Variants in GRHPR observed in about 807,000 individuals in gnomAD.
GRHPR encodes glyoxylate and hydroxypyruvate reductase.
Under a neutral mutation model 36.8 loss-of-function variants are expected in GRHPR, and 35 were observed. The ratio of observed to expected loss-of-function variants is 0.95; its 90% CI spans 0.73 to 1.26. The LOEUF (loss-of-function observed/expected upper bound fraction) is 1.26, where lower values mean the gene tolerates loss of function less well. GRHPR is among the 50% of genes most tolerant of loss of function. The pLI, the probability that GRHPR is intolerant of heterozygous loss-of-function variation, is 0.00. For synonymous variants in GRHPR, 179 were observed against 181.0 expected, an observed-to-expected ratio of 0.99 and a Z score of 0.09; for missense variants, 380 against 435.0, an observed-to-expected ratio of 0.87 and a Z score of 1.12.
chr9:37,432,230 G>A (rs1288181360), intron 8 of GRHPR, 92 bp downstream of exon 8: 3 of 1,271,554 alleles, frequency 2.4e-6, no homozygotes, highest in South Asian at 1.2e-5. Flanking sequence ...TGGAGCTAGT[G>A]TGAGCAGGTG....
At chr9:37,426,736 T>A in intron 4 of GRHPR, 82 bp downstream of exon 4, 1 of 816,304 alleles carries the variant, frequency 1.2e-6, no homozygotes, top group Non-Finnish European at 2.2e-6. Context: ...GATCATGAGG[T>A]TAGGAGTTCG....
chr9:37,430,676 C>G lies in GRHPR; in HGVS notation c.734+30C>G, dbSNP rs768908909. 4 of 1,607,016 alleles carry G rather than the reference C, an allele frequency of 2.5e-6. No individual in the cohort carries two copies. The African/African-American group carries it at 5.4e-5, about 21-fold the overall frequency. ...CCTAGGGCCACCTTACCCAGCAAGC[C>G]TGGAGAGGAGCCATCCCCACTGCTG... On this transcript the variant is annotated intron_variant, in intron 7 of 8. Transcript: ENST00000318158.
intron 6 of GRHPR, 164 bp downstream of exon 6, chr9:37,430,000 C>T: frequency 1.5e-6 from 1 of 679,636 alleles, no homozygotes; most frequent in Non-Finnish European, 2.7e-6. Context: ...CACTGGCCCA[C>T]TCAGGGAGCA....
intron 8 of GRHPR, chr9:37,433,951 C>A (rs1823504714): frequency 7.5e-6 from 3 of 397,456 alleles, no homozygotes; most frequent in Admixed American, 4.4e-5. Context: ...GAAACTCTCC[C>A]GTCCCTCCCC....
intron 8 of GRHPR, among the ~76,000 whole-genome samples, chr9:37,432,993 C>A (rs915847817): frequency 3.9e-5 from 6 of 152,236 alleles, no homozygotes; most frequent in Middle Eastern, 3.2e-3. Context: ...CCCTTCCTGT[C>A]TTTGGGGGAG....
At chr9:37,430,390 G>A (rs993601713) in intron 6 of GRHPR, 121 bp from the exon 7 acceptor site, 25 of 836,872 alleles carry the variant, frequency 3.0e-5, no homozygotes, top group Non-Finnish European at 4.8e-5. Flanking sequence ...GTAGAGACTC[G>A]GCCTTCAGGA....
At chr9:37,436,444 G>C (rs1286341259) in intron 8 of GRHPR, among the ~76,000 whole-genome samples, 10 of 152,248 alleles carry the variant, frequency 6.6e-5, no homozygotes, top group African/African-American at 2.2e-4. Context: ...TTGTGACTGG[G>C]TTTTAGTAGC....
At position 37,424,920 on chromosome 9, in the gene GRHPR, C is replaced by T. The variant is rs781026957; in HGVS notation, c.159C>T (p.His53=). 6.2e-6 allele frequency: 10 copies of T among 1,612,330 alleles called. No individual in the cohort carries two copies. Among genetic ancestry groups the T allele is most frequent in the South Asian group, 2.2e-5 (2 of 91,034 alleles). ...TAGAGCGAGGTGTGGCGGGGGCCCA[C>T]GGCCTGCTCTGCCTCCTCTCCGACC... ...KELERGVAGA[H]GLLCLLSDHV... is the part of the protein sequence containing the mutation. The change falls in exon 2 of 9, where the codon CAC becomes CAT. Residue 53 remains histidine (H), a synonymous_variant. Coordinates refer to ENST00000318158, the MANE Select transcript of GRHPR (RefSeq NM_012203.2).
chr9:37,428,208 GTCACCC>G (rs1823176311), intron 4 of GRHPR: 5 of 554,868 alleles, frequency 9.0e-6, no homozygotes, highest in Non-Finnish European at 1.6e-5. Context: ...CCTCAGGCAA[GTCACCC>G]TTTCTGGTTT....
At chr9:37,435,065 A>G (rs2118907107) in intron 8 of GRHPR, among the ~76,000 whole-genome samples, 1 of 152,246 alleles carries the variant, frequency 6.6e-6, no homozygotes, top group East Asian at 1.9e-4. Context: ...TAGCCTGGGC[A>G]ACATAGTGAA....
intron 8 of GRHPR, chr9:37,432,363 T>G: frequency 2.0e-6 from 1 of 503,198 alleles, no homozygotes; most frequent in East Asian, 4.0e-5. Context: ...GAACAGAATG[T>G]AGGTGTGAGT....
chr9:37,431,973 C>A (rs1823388463), intron 7 of GRHPR, 35 bp from the exon 8 acceptor site: 4 of 1,612,736 alleles, frequency 2.5e-6, no homozygotes, highest in Non-Finnish European at 3.4e-6. Context: ...GCGGAGGGAT[C>A]TTCGGGGTAC....
downstream of GRHPR, among the ~76,000 whole-genome samples, chr9:37,437,902 A>G (rs563447065): frequency 6.6e-6 from 1 of 152,304 alleles, no homozygotes; most frequent in Admixed American, 6.5e-5. Context: ...GGTAGACTGA[A>G]AAGCAAAATC....
intron 6 of GRHPR, chr9:37,430,229 C>A (rs867964164): frequency 1.2e-5 from 7 of 561,900 alleles, no homozygotes; most frequent in East Asian, 3.2e-5. Context: ...CAGCACCTGG[C>A]GGGTCCACAG....
At chr9:37,432,274 T>C in intron 8 of GRHPR, 136 bp downstream of exon 8, 1 of 772,090 alleles carries the variant, frequency 1.3e-6, no homozygotes, top group Non-Finnish European at 2.3e-6. Flanking sequence ...GGATCGTAAA[T>C]GTTTATGTTG....
chr9:37,429,630 G>A (rs1171183974), intron 5 of GRHPR, 102 bp from the exon 6 acceptor site: 4 of 829,278 alleles, frequency 4.8e-6, no homozygotes, highest in Non-Finnish European at 6.4e-6. Flanking sequence ...GGGCTGTGCT[G>A]ATGAAAAGGG....
intron 7 of GRHPR, chr9:37,431,103 C>G (rs1445296327): frequency 4.3e-6 from 2 of 461,448 alleles, no homozygotes; most frequent in Admixed American, 2.4e-5. Flanking sequence ...GGTCGTAGCT[C>G]CTCACACTGT....
intron 1 of GRHPR, among the ~76,000 whole-genome samples, chr9:37,423,942 T>G (rs1822958281): frequency 6.6e-6 from 1 of 152,194 alleles, no homozygotes; most frequent in African/African-American, 2.4e-5. Context: ...GCCATGCAGC[T>G]CCCAGGTGGA....
At chr9:37,428,289 C>T (rs1823180392) in intron 4 of GRHPR, 195 bp from the exon 5 acceptor site, 2 of 632,764 alleles carry the variant, frequency 3.2e-6, no homozygotes, top group East Asian at 5.4e-5. Flanking sequence ...AGTTCTATGT[C>T]TCTGGTGGCT....
Sources: allele counts gnomAD v4.1 joint callset (sites outside exome capture counted in the v4.1 genomes callset), GRCh38; gene constraint gnomAD v4.1.1; transcripts MANE v1.5; gene names NCBI Gene and HGNC (gene_info 2026-07-23, HGNC 2026-07-21).